Variants in NME1 observed in about 807,000 individuals in gnomAD.
NME1 encodes the protein NME/NM23 nucleoside diphosphate kinase 1.
In NME1, 9 loss-of-function variants were observed where a neutral mutation model predicts 17.2. The ratio of observed to expected loss-of-function variants is 0.52; its 90% CI spans 0.32 to 0.92. The LOEUF (loss-of-function observed/expected upper bound fraction) is 0.92, where lower values mean the gene tolerates loss of function less well. Among genes scored for constraint, NME1 ranks in the 40% least tolerant of loss-of-function variants. NME1 has a pLI of 0.04. For synonymous variants in NME1, 72 were observed against 70.8 expected (o/e 1.02, Z -0.09); for missense variants, 169 against 201.7 (o/e 0.84, Z 0.98).
chr17:51,155,942 C>T (rs2049780157), intron 2 of NME1, 162 bp downstream of exon 2: 1 of 1,100,826 alleles, frequency 9.1e-7, no homozygotes, highest in Non-Finnish European at 1.3e-6. Context: ...CGTTTGGCTA[C>T]ATCTTGGAAC....
In NME1 at chr17:51,155,747, A is replaced by G. The variant is rs151335733; in HGVS notation, c.93A>G (p.Lys31=). The change falls in exon 2 of 5, where the codon AAA becomes AAG. Residue 31 remains lysine (K), a synonymous_variant. Transcript: ENST00000393196. ...AGATTATCAAGCGTTTTGAGCAGAAAGGATTCCGCCTTGTTGGTCTGAAAT... is the reference window on the plus strand; with the variant it reads ...AGATTATCAAGCGTTTTGAGCAGAAGGGATTCCGCCTTGTTGGTCTGAAAT... The part of the protein sequence containing the change: ...VGEIIKRFEQ[K]GFRLVGLKFM... 1 of 1,614,078 alleles carries G rather than the reference A, an allele frequency of 6.2e-7. No homozygotes were observed. Among genetic ancestry groups the G allele is most frequent in the African/African-American group, 1.3e-5 (1 of 75,064 alleles).
chr17:51,157,267 G>A (rs1217674364), intron 2 of NME1, among the ~76,000 whole-genome samples: 2 of 152,170 alleles, frequency 1.3e-5, no homozygotes, highest in Non-Finnish European at 2.9e-5. Context: ...GTAGACTGAT[G>A]TTCATGCTGA....
In NME1 at chr17:51,155,885, G is replaced by A. The variant is rs2049779316; in HGVS notation, c.126+105G>A. ...TTCTTATTTAAAGTTCTCCACGGTA[G>A]AGTGAACACAAGTGTCTTGAGACCT... On this transcript the variant is annotated intron_variant, in intron 2 of 4. Transcript: ENST00000393196. 4 of 1,564,298 alleles carry A rather than the reference G, an allele frequency of 2.6e-6. No homozygotes were observed. In the Admixed American group the frequency reaches 5.1e-5, roughly 20 times the overall value.
intron 1 of NME1, chr17:51,154,541 C>A: frequency 7.7e-6 from 8 of 1,037,388 alleles, no homozygotes; most frequent in African/African-American, 1.6e-5. Flanking sequence ...ATCAGATATT[C>A]CTAATGTCTG....
rs780612097 is a variant in NME1, at chr17:51,154,456, G to A, written c.-5+794G>A. ...AGCTGTGATACAGGGTAGGTCATGA[G>A]CGCAGTCTTCTGTAAAATGAGGGAT... On this transcript the variant is annotated intron_variant, in intron 1 of 4. Coordinates refer to ENST00000393196, the MANE Select transcript of NME1 (RefSeq NM_000269.3). 4.3e-6 allele frequency: 7 copies of A among 1,612,976 alleles called. No homozygotes were observed. The South Asian group carries it at 7.7e-5, about 18-fold the overall frequency.
chr17:51,161,137 C>T lies in NME1; in HGVS notation c.229-23C>T, dbSNP rs150408394. ...GCTGTGATTGGTTTTCTTCTTTGAC[C>T]ATATCTTCTTCTGTCCTTGGAGGTC... On this transcript the variant is annotated intron_variant, in intron 3 of 4. Transcript: ENST00000393196. 4.1e-5 allele frequency: 65 copies of T among 1,596,144 alleles called. No individual in the cohort carries two copies. In the East Asian group the frequency reaches 1.4e-3, roughly 35 times the overall value.
At chr17:51,154,279 G>T in intron 1 of NME1, 2 of 1,116,492 alleles carry the variant, frequency 1.8e-6, no homozygotes, top group Non-Finnish European at 2.8e-6. Context: ...AGCCTGGTGT[G>T]CAGGGGAGGC....
At chr17:51,154,621 A>G (rs1395455701) in intron 1 of NME1, among the ~76,000 whole-genome samples, 1 of 152,194 alleles carries the variant, frequency 6.6e-6, no homozygotes, top group East Asian at 1.9e-4. Flanking sequence ...GTAGCATAAC[A>G]TTACAAGAAT....
intron 1 of NME1, chr17:51,154,094 C>A (rs1036073392): frequency 4.4e-6 from 2 of 459,760 alleles, no homozygotes; most frequent in Non-Finnish European, 8.0e-6. Context: ...TTCTCCTGGA[C>A]AATTTATGCT....
At position 51,155,729 on chromosome 17, in the gene NME1, C is replaced by T. The variant is rs372226034; in HGVS notation, c.75C>T (p.Ile25=). 1.2e-6 allele frequency: 2 copies of T among 1,614,046 alleles called. No individual in the cohort carries two copies. The highest frequency in any genetic ancestry group is 2.7e-5 in the African/African-American group (2 of 74,936). The change falls in exon 2 of 5, where the codon ATC becomes ATT. Residue 25 remains isoleucine, a synonymous_variant. Transcript: ENST00000393196. ...AGCGGGGTCTTGTGGGAGAGATTATCAAGCGTTTTGAGCAGAAAGGATTCC... is the reference window on the plus strand; with the variant it reads ...AGCGGGGTCTTGTGGGAGAGATTATTAAGCGTTTTGAGCAGAAAGGATTCC... ...GVQRGLVGEI[I]KRFEQKGFRL...
intron 2 of NME1, among the ~76,000 whole-genome samples, chr17:51,157,481 C>T (rs924221888): frequency 1.3e-5 from 2 of 152,150 alleles, no homozygotes; most frequent in South Asian, 2.1e-4. Flanking sequence ...ACCTAAACAC[C>T]TCCCATTAGG....
chr17:51,160,333 C>T (rs747998371), intron 3 of NME1: 9 of 559,600 alleles, frequency 1.6e-5, no homozygotes, highest in South Asian at 3.6e-5. Flanking sequence ...CAAGAAGCAG[C>T]GATCTGAATG....
At chr17:51,160,323 C>G (rs1413821061) in intron 3 of NME1, 2 of 584,592 alleles carry the variant, frequency 3.4e-6, no homozygotes, top group African/African-American at 3.7e-5. Flanking sequence ...ATCTGAATGA[C>G]AAGAAGCAGC....
intron 4 of NME1, 176 bp downstream of exon 4, chr17:51,161,448 G>A (rs1568122765): frequency 5.6e-6 from 4 of 715,970 alleles, no homozygotes; most frequent in East Asian, 5.4e-5. Flanking sequence ...TCACTTAGTC[G>A]TACCTCTGTT....
intron 1 of NME1, among the ~76,000 whole-genome samples, chr17:51,155,196 C>T (rs1354680107): frequency 2.0e-5 from 3 of 148,140 alleles, no homozygotes; most frequent in Non-Finnish European, 3.0e-5. Context: ...GAGCCAAGGT[C>T]GCACCACTGC....
intron 3 of NME1, 184 bp from the exon 4 acceptor site, chr17:51,160,976 A>T: frequency 1.4e-6 from 1 of 735,384 alleles, no homozygotes. Flanking sequence ...AAAGGCAAGC[A>T]TGAGGGCAGG....
chr17:51,159,638 GTGTGTGTCT>G (rs2049835996), intron 2 of NME1, among the ~76,000 whole-genome samples: 1 of 152,118 alleles, frequency 6.6e-6, no homozygotes, highest in Non-Finnish European at 1.5e-5. Context: ...AAGTCTGGTA[GTGTGTGTCT>G]ACAGTCCTAC....
rs997076562 is a variant in NME1 at position 51,162,074 on chromosome 17, G to A, written c.*229G>A. On this transcript the variant is annotated 3_prime_UTR_variant, in exon 5 of 5. Coordinates refer to ENST00000393196, the MANE Select transcript of NME1 (RefSeq NM_000269.3). Reference sequence around the variant, plus strand: ...GTTGGTTACTTCATATTGTTGCATTGCTTTTTTTTCCTTCTTTTCATGTAC... The same window carrying A: ...GTTGGTTACTTCATATTGTTGCATTACTTTTTTTTCCTTCTTTTCATGTAC... 31 of 498,344 alleles carry A rather than the reference G, an allele frequency of 6.2e-5. No homozygotes were observed. The highest frequency in any genetic ancestry group is 1.1e-4 in the Non-Finnish European group (29 of 274,462). 30.9% of individuals were successfully genotyped at this position (498,344 alleles called of 1,614,324 possible).
At chr17:51,156,413 A>G (rs2049786696) in intron 2 of NME1, 1 of 162,948 alleles carries the variant, frequency 6.1e-6, no homozygotes, top group Admixed American at 5.8e-5. Context: ...TGGGTGAGGC[A>G]TAGTGGCTCA....
Sources: allele counts gnomAD v4.1 joint callset (sites outside exome capture counted in the v4.1 genomes callset), GRCh38; gene constraint gnomAD v4.1.1; transcripts MANE v1.5; gene names NCBI Gene and HGNC (gene_info 2026-07-23, HGNC 2026-07-21).